Variants in ERC2 observed in about 807,000 individuals in gnomAD.
ERC2 encodes ERC protein 2.
In ERC2, 42 loss-of-function variants were observed where a neutral mutation model predicts 114.8. That is an observed-to-expected ratio of 0.37 (90% CI 0.29 to 0.47). The LOEUF (loss-of-function observed/expected upper bound fraction) is 0.47, where lower values mean the gene tolerates loss of function less well. ERC2 is among the 20% of genes least tolerant of loss of function. The pLI is 0.99. For missense variants in ERC2, 939 were observed against 1,150.7 expected, an observed-to-expected ratio of 0.82 and a Z score of 2.66; for synonymous variants, 454 against 425.5, an observed-to-expected ratio of 1.07 and a Z score of -0.82.
At chr3:56,001,074 G>A (rs2072016083) in intron 10 of ERC2, among the ~76,000 whole-genome samples, 1 of 151,434 alleles carries the variant, frequency 6.6e-6, no homozygotes, top group South Asian at 2.1e-4. Flanking sequence ...GAAGTAGAGT[G>A]TTAGATAAGA....
At chr3:56,316,396 C>T (rs1237399701) in intron 2 of ERC2, among the ~76,000 whole-genome samples, 4 of 152,158 alleles carry the variant, frequency 2.6e-5, no homozygotes, top group Admixed American at 2.0e-4. Flanking sequence ...TTTAAATCAC[C>T]TTTTAAGTGG....
chr3:56,282,592 T>A (rs2054420150), intron 3 of ERC2, among the ~76,000 whole-genome samples: 1 of 130,050 alleles, frequency 7.7e-6, no homozygotes, highest in South Asian at 2.3e-4. Flanking sequence ...TGTCAGCACC[T>A]ACATCTCATA....
In ERC2 at chr3:55,645,959, G is replaced by A. The variant is rs543263730; in HGVS notation, c.*39+37835C>T. Among the ~76,000 whole-genome samples the A allele has an allele frequency of 4.6e-5, 7 of 152,252 alleles. No homozygotes were observed. The South Asian group carries it at 1.4e-3, about 32-fold the overall frequency. On this transcript the variant is annotated intron_variant, in intron 17 of 17. Transcript: ENST00000288221. ...CATGTTGCACATAGTGGCTGGTGAG[G>A]GGGAAATAATACATTTCAGGCAAGT...
chr3:55,833,657 G>A (rs2060726027), intron 14 of ERC2, among the ~76,000 whole-genome samples: 1 of 152,160 alleles, frequency 6.6e-6, no homozygotes, highest in African/African-American at 2.4e-5. Context: ...GCAAAATCAT[G>A]CCAAATTGTA....
At chr3:55,583,552 C>CCTTCCTTCCTTT (rs2057425818) in intron 17 of ERC2, among the ~76,000 whole-genome samples, 1 of 107,294 alleles carries the variant, frequency 9.3e-6, no homozygotes, top group Admixed American at 1.0e-4. Context: ...TTTCTTCCTT[C>CCTTCCTTCCTTT]CTTCCTTCCT....
intron 17 of ERC2, among the ~76,000 whole-genome samples, chr3:55,676,588 C>A (rs2061826845): frequency 6.6e-6 from 1 of 151,108 alleles, no homozygotes; most frequent in South Asian, 2.1e-4. Context: ...ATTTTCCCTC[C>A]ATGTTCCTAA....
At chr3:56,119,273 A>G (rs1197424210) in intron 6 of ERC2, among the ~76,000 whole-genome samples, 1 of 152,240 alleles carries the variant, frequency 6.6e-6, no homozygotes, top group Non-Finnish European at 1.5e-5. Context: ...AAATCTTGTT[A>G]AAGTGTTGCA....
intron 14 of ERC2, among the ~76,000 whole-genome samples, chr3:55,737,328 G>A (rs1032430760): frequency 5.3e-5 from 8 of 152,198 alleles, no homozygotes; most frequent in African/African-American, 1.9e-4. Flanking sequence ...ACTACCGGCA[G>A]CAGCATTAAT....
chr3:56,427,491 TTG>T (rs1418776224), intron 2 of ERC2, among the ~76,000 whole-genome samples: 5 of 152,216 alleles, frequency 3.3e-5, no homozygotes, highest in Non-Finnish European at 5.9e-5. Flanking sequence ...TCTGCTTATG[TTG>T]TGGGTCGAAT....
At chr3:56,024,172 G>A (rs2073903995) in intron 7 of ERC2, among the ~76,000 whole-genome samples, 1 of 152,126 alleles carries the variant, frequency 6.6e-6, no homozygotes, top group Non-Finnish European at 1.5e-5. Context: ...GAAAAATGGG[G>A]AAACTCACAA....
chr3:55,550,738 C>T lies in ERC2; in HGVS notation c.*40-39462G>A, dbSNP rs142510142. 5.8e-3 allele frequency among the ~76,000 whole-genome samples: 880 copies of T among 152,132 alleles called. 7 individuals are homozygous for T. Among genetic ancestry groups the T allele is most frequent in the African/African-American group, 0.02 (840 of 41,520 alleles). ...CAGATATAATTTAAGAAATAGGGGC[C>T]GGGCGCAGTGGCTCACGCCTATAAT... On this transcript the variant is annotated intron_variant, in intron 17 of 17. Coordinates refer to ENST00000288221, the MANE Select transcript of ERC2 (RefSeq NM_015576.3).
intron 12 of ERC2, among the ~76,000 whole-genome samples, chr3:55,973,546 C>T (rs2069339710): frequency 6.6e-6 from 1 of 152,174 alleles, no homozygotes; most frequent in Non-Finnish European, 1.5e-5. Context: ...TGTGCCTGTT[C>T]CCACATGCCC....
chr3:56,319,291 C>T (rs995424122), intron 2 of ERC2, among the ~76,000 whole-genome samples: 1 of 150,980 alleles, frequency 6.6e-6, no homozygotes, highest in Non-Finnish European at 1.5e-5. Flanking sequence ...ATACACACAA[C>T]AGAATATTAT....
At chr3:55,899,275 T>G (rs1195059703) in intron 13 of ERC2, among the ~76,000 whole-genome samples, 1 of 152,220 alleles carries the variant, frequency 6.6e-6, no homozygotes, top group African/African-American at 2.4e-5. Context: ...ATGATTCTAC[T>G]TTCTGGATTT....
intron 6 of ERC2, among the ~76,000 whole-genome samples, chr3:56,088,383 A>C (rs1425491336): frequency 6.6e-6 from 1 of 152,264 alleles, no homozygotes; most frequent in East Asian, 1.9e-4. Flanking sequence ...GAATCTAAAG[A>C]ATTAGGGCTA....
intron 1 of ERC2, among the ~76,000 whole-genome samples, chr3:56,447,629 T>C (rs1048043029): frequency 9.9e-5 from 15 of 152,018 alleles, no homozygotes; most frequent in Non-Finnish European, 1.9e-4. Context: ...AATATAGAGA[T>C]TATATTATTT....
chr3:56,014,890 T>C (rs1413229396), intron 8 of ERC2, among the ~76,000 whole-genome samples: 1 of 152,176 alleles, frequency 6.6e-6, no homozygotes, highest in African/African-American at 2.4e-5. Flanking sequence ...ATAAAACTAC[T>C]GCAGAGAGCT....
chr3:56,233,013 C>T (rs1298705421), intron 3 of ERC2, among the ~76,000 whole-genome samples: 1 of 152,130 alleles, frequency 6.6e-6, no homozygotes, highest in African/African-American at 2.4e-5. Context: ...TTTATAACAC[C>T]ACGTATGCAA....
intron 2 of ERC2, among the ~76,000 whole-genome samples, chr3:56,364,789 A>T (rs2059088950): frequency 6.6e-6 from 1 of 152,238 alleles, no homozygotes; most frequent in Admixed American, 6.5e-5. Flanking sequence ...GGGGCTCATA[A>T]CACATGGTGG....
Sources: gnomAD v4.1 joint callset for allele counts (sites outside exome capture counted in the v4.1 genomes callset) on GRCh38, gnomAD v4.1.1 for gene constraint, MANE v1.5 for transcripts, NCBI Gene and HGNC (gene_info 2026-07-23, HGNC 2026-07-21) for gene names.